Variants in CDH12 observed in about 807,000 individuals in gnomAD.
The protein encoded by CDH12 is cadherin-12.
A neutral mutation model predicts 74.1 loss-of-function variants in CDH12; 41 were observed. That is an observed-to-expected ratio of 0.55 (90% CI 0.43 to 0.72). CDH12 has a LOEUF of 0.72. Among genes scored for constraint, CDH12 ranks in the 30% least tolerant of loss-of-function variants. The pLI is 0.00. For missense variants in CDH12, 945 were observed against 977.2 expected, an observed-to-expected ratio of 0.97 and a Z score of 0.44; for synonymous variants, 399 against 355.0, an observed-to-expected ratio of 1.12 and a Z score of -1.39.
At chr5:21,857,929 C>T (rs1336706613) in intron 6 of CDH12, among the ~76,000 whole-genome samples, 2 of 151,686 alleles carry the variant, frequency 1.3e-5, no homozygotes, top group Non-Finnish European at 2.9e-5. Flanking sequence ...TTCTCCTATG[C>T]CCTTTCCTCT....
At chr5:22,717,166 C>G (rs1242705353) in intron 1 of CDH12, among the ~76,000 whole-genome samples, 1 of 152,098 alleles carries the variant, frequency 6.6e-6, no homozygotes, top group African/African-American at 2.4e-5. Flanking sequence ...ATTCACCCAC[C>G]TCTCACTCAC....
intron 6 of CDH12, among the ~76,000 whole-genome samples, chr5:21,936,112 A>C (rs1205038039): frequency 2.0e-5 from 3 of 152,140 alleles, no homozygotes. Flanking sequence ...TATACCCAGG[A>C]GTGGGATTGC....
At chr5:22,279,361 A>C (rs1356666195) in intron 3 of CDH12, among the ~76,000 whole-genome samples, 1 of 152,162 alleles carries the variant, frequency 6.6e-6, no homozygotes. Flanking sequence ...ATGTAGTTAG[A>C]AAATTACTGT....
At chr5:21,887,163 C>T (rs1367334665) in intron 6 of CDH12, among the ~76,000 whole-genome samples, 3 of 152,072 alleles carry the variant, frequency 2.0e-5, no homozygotes, top group Non-Finnish European at 4.4e-5. Context: ...TTTATACTTC[C>T]ATTTTATCTT....
At chr5:22,136,452 G>A (rs149889374) in intron 4 of CDH12, among the ~76,000 whole-genome samples, 2,199 of 151,946 alleles carry the variant, frequency 0.014, 56 homozygotes, top group African/African-American at 0.05. Context: ...ATGGGGTAGC[G>A]TGCATCAAAG....
intron 1 of CDH12, among the ~76,000 whole-genome samples, chr5:22,737,544 G>T (rs554335149): frequency 3.9e-5 from 6 of 151,962 alleles, no homozygotes; most frequent in African/African-American, 1.4e-4. Flanking sequence ...ATAAGACTTA[G>T]CTGAAAGAAA....
At chr5:22,357,947 T>G (rs915453677) in intron 3 of CDH12, among the ~76,000 whole-genome samples, 2 of 152,190 alleles carry the variant, frequency 1.3e-5, no homozygotes, top group African/African-American at 4.8e-5. Flanking sequence ...GCATTTCTGT[T>G]TGGTATTTAA....
intron 1 of CDH12, among the ~76,000 whole-genome samples, chr5:22,679,249 T>A (rs1179095303): frequency 6.6e-6 from 1 of 152,116 alleles, no homozygotes; most frequent in Non-Finnish European, 1.5e-5. Context: ...TGAAGAAAAG[T>A]GGAAAATTTG....
At chr5:22,605,796 G>A (rs1048210391) in intron 1 of CDH12, among the ~76,000 whole-genome samples, 1 of 152,226 alleles carries the variant, frequency 6.6e-6, no homozygotes, top group Non-Finnish European at 1.5e-5. Context: ...CAGTACTTTG[G>A]TGTGCTTGTT....
chr5:22,292,966 G>T (rs1285598702), intron 3 of CDH12, among the ~76,000 whole-genome samples: 2 of 152,002 alleles, frequency 1.3e-5, no homozygotes, highest in African/African-American at 4.8e-5. Context: ...TTCCCAATCT[G>T]TAATTCACAT....
rs145269611 is a variant in CDH12 at position 22,282,526 on chromosome 5, A to G, written c.-332-69883T>C. ...AAAGGGCTAATATCCAGAATCTACA[A>G]GGAACTTAAATTTACAAGCAAAGAA... is the stretch of plus-strand genomic sequence containing the variant. On this transcript the variant is annotated intron_variant, in intron 3 of 14. Transcript: ENST00000382254. Among the ~76,000 whole-genome samples the G allele has an allele frequency of 9.0e-3, 1,374 of 152,176 alleles. 18 individuals carry two copies. Among genetic ancestry groups the G allele is most frequent in the African/African-American group, 0.032 (1,318 of 41,526 alleles).
chr5:22,160,376 T>C (rs1310991907), intron 4 of CDH12, among the ~76,000 whole-genome samples: 2 of 152,180 alleles, frequency 1.3e-5, no homozygotes, highest in African/African-American at 4.8e-5. Flanking sequence ...TATTTTCTTA[T>C]TTACTGCCCT....
At chr5:22,438,284 T>C (rs1744486570) in intron 2 of CDH12, among the ~76,000 whole-genome samples, 1 of 152,020 alleles carries the variant, frequency 6.6e-6, no homozygotes, top group Non-Finnish European at 1.5e-5. Flanking sequence ...GGCATCATTT[T>C]TTCTCCTACA....
intron 1 of CDH12, among the ~76,000 whole-genome samples, chr5:22,637,618 T>A (rs1738909711): frequency 6.6e-6 from 1 of 152,222 alleles, no homozygotes; most frequent in Non-Finnish European, 1.5e-5. Context: ...CTTAGGATCA[T>A]CAGATGATTA....
chr5:22,730,939 CT>C (rs1274759501), intron 1 of CDH12, among the ~76,000 whole-genome samples: 1 of 151,770 alleles, frequency 6.6e-6, no homozygotes, highest in Non-Finnish European at 1.5e-5. Context: ...AGATTTAACA[CT>C]TTGTATTAGA....
At chr5:21,867,732 C>T (rs1751405094) in intron 6 of CDH12, among the ~76,000 whole-genome samples, 2 of 152,112 alleles carry the variant, frequency 1.3e-5, no homozygotes, top group Non-Finnish European at 2.9e-5. Context: ...AAGGGACTTG[C>T]CTTGTCTCAG....
chr5:22,128,565 C>T lies in CDH12; in HGVS notation c.-186-49703G>A, dbSNP rs1367844234. On this transcript the variant is annotated intron_variant, in intron 4 of 14. Transcript: ENST00000382254. ...TTTTGACACATGATCTCTCAAGATA[C>T]ATATCCTTTTATATCAACTATAAGT... Among the ~76,000 whole-genome samples, 6 of 152,194 alleles carry T rather than the reference C, an allele frequency of 3.9e-5. No individual in the cohort carries two copies. The East Asian group carries it at 1.2e-3, about 29-fold the overall frequency.
At chr5:22,250,772 C>A (rs1196224587) in intron 3 of CDH12, among the ~76,000 whole-genome samples, 1 of 152,136 alleles carries the variant, frequency 6.6e-6, no homozygotes, top group East Asian at 1.9e-4. Context: ...CTCTTTCTGG[C>A]AGCTTGGGGA....
chr5:22,754,598 T>C (rs530295192), intron 1 of CDH12, among the ~76,000 whole-genome samples: 1 of 147,804 alleles, frequency 6.8e-6, no homozygotes, highest in South Asian at 2.1e-4. Flanking sequence ...ACAGCAGCTG[T>C]AGAAGCCTGA....
Sources: allele counts gnomAD v4.1 joint callset (sites outside exome capture counted in the v4.1 genomes callset), GRCh38; gene constraint gnomAD v4.1.1; transcripts MANE v1.5; gene names NCBI Gene and HGNC (gene_info 2026-07-23, HGNC 2026-07-21).